The following HHAT variants were observed in gnomAD, a reference collection of about 807,000 sequenced individuals.
HHAT encodes the protein hedgehog acyltransferase.
HHAT carries 47 observed loss-of-function variants against 70.8 expected under a neutral mutation model. That is an observed-to-expected ratio of 0.66 (90% CI 0.53 to 0.85). The LOEUF is 0.85. Ranked by LOEUF, HHAT falls within the 40% of genes least tolerant of loss-of-function variation. The pLI is 0.00. For synonymous variants in HHAT, 228 were observed against 247.6 expected (o/e 0.92, Z 0.74); for missense variants, 609 against 604.8 (o/e 1.01, Z -0.07).
chr1:210,336,775 C>T (rs958165147), intron 1 of HHAT, among the ~76,000 whole-genome samples: 2 of 151,800 alleles, frequency 1.3e-5, no homozygotes, highest in Non-Finnish European at 2.9e-5. Context: ...AGAGTGAGAC[C>T]CTGTTTAAGA....
At chr1:210,473,665 G>A (rs2094249382) in intron 8 of HHAT, among the ~76,000 whole-genome samples, 1 of 152,136 alleles carries the variant, frequency 6.6e-6, no homozygotes, top group Non-Finnish European at 1.5e-5. Context: ...TGCCCACAAA[G>A]ACTTAATTTG....
chr1:210,375,687 T>C (rs1006983500), intron 3 of HHAT, among the ~76,000 whole-genome samples: 2 of 152,138 alleles, frequency 1.3e-5, no homozygotes, highest in African/African-American at 4.8e-5. Flanking sequence ...ATTATTTCTT[T>C]GAACGTATTT....
chr1:210,393,569 A>T (rs1370657177), intron 4 of HHAT, among the ~76,000 whole-genome samples: 1 of 152,160 alleles, frequency 6.6e-6, no homozygotes, highest in East Asian at 1.9e-4. Flanking sequence ...GCCTCCGAGA[A>T]GGTGGCTTTT....
chr1:210,628,906 C>T (rs35048095), intron 11 of HHAT, among the ~76,000 whole-genome samples: 7,808 of 152,188 alleles, frequency 0.051, 294 homozygotes, highest in East Asian at 0.1. Flanking sequence ...TGAAAGAGGA[C>T]GGAGGGCAGG....
intron 9 of HHAT, among the ~76,000 whole-genome samples, chr1:210,564,800 G>A (rs1024988120): frequency 6.6e-6 from 1 of 151,572 alleles, no homozygotes; most frequent in Non-Finnish European, 1.5e-5. Context: ...CTTGACAAAA[G>A]CTGATGGAAT....
At chr1:210,526,367 G>GTTCTGTTTTTTTTTTTTTTTT (rs2095245205) in intron 9 of HHAT, among the ~76,000 whole-genome samples, 1 of 142,336 alleles carries the variant, frequency 7.0e-6, no homozygotes, top group African/African-American at 2.6e-5. Flanking sequence ...AGTGGGTTCT[G>GTTCTGTTTTTTTTTTTTTTTT]TTTTTTTTTT....
chr1:210,417,186 C>T (rs1296964360), intron 6 of HHAT, among the ~76,000 whole-genome samples: 1 of 152,118 alleles, frequency 6.6e-6, no homozygotes, highest in Non-Finnish European at 1.5e-5. Context: ...TGGAGTGAAA[C>T]TCAATATTGT....
chr1:210,368,316 G>A (rs954386663), intron 3 of HHAT, among the ~76,000 whole-genome samples: 4 of 152,090 alleles, frequency 2.6e-5, no homozygotes, highest in Admixed American at 2.6e-4. Flanking sequence ...TTAAAAAAAT[G>A]TATGTATTTT....
chr1:210,328,779 G>T, upstream of HHAT: 1 of 351,782 alleles, frequency 2.8e-6, no homozygotes, highest in Non-Finnish European at 5.1e-6. Flanking sequence ...CCGGGCCGCC[G>T]GCGGGGCAAA....
intron 8 of HHAT, among the ~76,000 whole-genome samples, chr1:210,470,067 A>G (rs138513847): frequency 2.3e-3 from 346 of 151,390 alleles, no homozygotes; most frequent in Non-Finnish European, 3.6e-3. Context: ...CTGGTCTTGA[A>G]CTCCTGGCCT....
chr1:210,615,642 T>C (rs1238423650), intron 10 of HHAT, among the ~76,000 whole-genome samples: 1 of 152,242 alleles, frequency 6.6e-6, no homozygotes, highest in Non-Finnish European at 1.5e-5. Context: ...TGTTTGTTAG[T>C]TTTCCTTCTA....
At chr1:210,567,324 A>T (rs1186917936) in intron 9 of HHAT, among the ~76,000 whole-genome samples, 1 of 152,210 alleles carries the variant, frequency 6.6e-6, no homozygotes, top group African/African-American at 2.4e-5. Context: ...TTGATGCAAC[A>T]TGGGACAAAC....
At chr1:210,628,879 A>C (rs2148885935) in intron 11 of HHAT, among the ~76,000 whole-genome samples, 1 of 152,342 alleles carries the variant, frequency 6.6e-6, no homozygotes, top group East Asian at 1.9e-4. Flanking sequence ...TCTTGGGATT[A>C]AAAATTTCAT....
intron 9 of HHAT, among the ~76,000 whole-genome samples, chr1:210,549,816 A>C (rs1305031493): frequency 6.7e-6 from 1 of 148,840 alleles, no homozygotes; most frequent in Non-Finnish European, 1.5e-5. Flanking sequence ...GCAACATAGC[A>C]AGAACCCATC....
chr1:210,329,530 C>T (rs551304160), intron 1 of HHAT: 2 of 980,322 alleles, frequency 2.0e-6, no homozygotes, highest in South Asian at 4.7e-5. Flanking sequence ...AGTTTTCTTC[C>T]TCTGTTCTGA....
At chr1:210,601,079 A>C (rs1390246368) in intron 10 of HHAT, among the ~76,000 whole-genome samples, 1 of 151,874 alleles carries the variant, frequency 6.6e-6, no homozygotes, top group East Asian at 1.9e-4. Flanking sequence ...CATGGCAGGG[A>C]TTTGATGTTC....
chr1:210,581,772 T>C (rs1414672550), intron 9 of HHAT, among the ~76,000 whole-genome samples: 1 of 152,216 alleles, frequency 6.6e-6, no homozygotes, highest in East Asian at 1.9e-4. Context: ...GACCTTATAA[T>C]CAATCATCCT....
At chr1:210,445,172 T>C (rs934696428) in intron 7 of HHAT, among the ~76,000 whole-genome samples, 2 of 152,194 alleles carry the variant, frequency 1.3e-5, no homozygotes, top group Non-Finnish European at 2.9e-5. Context: ...TGGTCACTTG[T>C]TGACTAGTGA....
chr1:210,631,251 A>G lies in HHAT; in HGVS notation c.1390+7581A>G, dbSNP rs556637664. Reference sequence around the variant, plus strand: ...CTGTGAGGCCTAAATCATGACAGGCAACCACTGTTTACACCATGAACCATC... The same window carrying G: ...CTGTGAGGCCTAAATCATGACAGGCGACCACTGTTTACACCATGAACCATC... On this transcript the variant is annotated intron_variant, in intron 11 of 11. Coordinates refer to ENST00000261458, the MANE Select transcript of HHAT (RefSeq NM_018194.6). 8.4e-4 allele frequency: 331 copies of G among 394,342 alleles called. 1 individual carries two copies. Among genetic ancestry groups the G allele is most frequent in the South Asian group, 6.2e-3 (320 of 51,800 alleles). 24.4% of individuals were successfully genotyped at this position (394,342 alleles called of 1,614,324 possible). A position where few individuals can be genotyped will look rare whatever the true frequency, so the allele number is the denominator to read the frequency against.
Sources: gnomAD v4.1 joint callset for allele counts (sites outside exome capture counted in the v4.1 genomes callset) on GRCh38, gnomAD v4.1.1 for gene constraint, MANE v1.5 for transcripts, NCBI Gene and HGNC (gene_info 2026-07-23, HGNC 2026-07-21) for gene names.